Variants in DMD observed in about 807,000 individuals in gnomAD.
The protein encoded by DMD is dystrophin, also known as mutant dystrophin.
Under a neutral mutation model 330.1 loss-of-function variants are expected in DMD, and 63 were observed. That is an observed-to-expected ratio of 0.19 (90% CI 0.16 to 0.24). The LOEUF is 0.24. Among genes scored for constraint, DMD ranks in the 10% least tolerant of loss-of-function variants. DMD has a pLI of 1.00. For synonymous variants in DMD, 1,223 were observed against 959.8 expected, an observed-to-expected ratio of 1.27 and a Z score of -5.07; for missense variants, 3,344 against 2,684.1, an observed-to-expected ratio of 1.25 and a Z score of -5.43.
chrX:31,410,305 A>G (rs2061580824), intron 60 of DMD, among the ~76,000 whole-genome samples: 2 of 112,060 alleles, frequency 1.8e-5, no homozygotes, highest in African/African-American at 6.5e-5. Context: ...CGGTACCACT[A>G]GGTATGATAT....
At chrX:31,234,490 A>G (rs1463305374) in intron 63 of DMD, among the ~76,000 whole-genome samples, 3 of 112,475 alleles carry the variant, frequency 2.7e-5, no homozygotes, top group African/African-American at 9.7e-5. Context: ...GCCAAAATCC[A>G]TGAGTCTCCT....
At chrX:31,504,272 G>A (rs937883412) in intron 56 of DMD, among the ~76,000 whole-genome samples, 2 of 111,315 alleles carry the variant, frequency 1.8e-5, no homozygotes, top group Admixed American at 9.5e-5. Flanking sequence ...GAAGGAAAAC[G>A]ATACAATATG....
chrX:31,175,442 C>T (rs1390598118), intron 71 of DMD, among the ~76,000 whole-genome samples: 1 of 110,684 alleles, frequency 9.0e-6, no homozygotes, highest in Non-Finnish European at 1.9e-5. Context: ...ATATCAGTGG[C>T]GCCTATCACA....
chrX:32,887,745 C>CAAAAAAAAAAAAAAAAAAAAAAA lies in DMD; in HGVS notation c.94-37948_94-37926dup, dbSNP rs771100080. Among the ~76,000 whole-genome samples, 4 of 6,493 alleles carry CAAAAAAAAAAAAAAAAAAAAAAA rather than the reference C, an allele frequency of 6.2e-4. 1 individual carries two copies. Among genetic ancestry groups the CAAAAAAAAAAAAAAAAAAAAAAA allele is most frequent in the African/African-American group, 1.3e-3 (3 of 2,252 alleles). 5.6% of individuals were successfully genotyped at this position (6,493 alleles called of 115,157 possible). ...CCTGGGTGACAAAGCAAGACTGTCT[C>CAAAAAAAAAAAAAAAAAAAAAAA]AAAAAAAAAAAAAAAAAAAAAAAAA... is the stretch of plus-strand genomic sequence containing the variant. On this transcript the variant is annotated intron_variant, in intron 2 of 78. Transcript: ENST00000357033.
intron 19 of DMD, among the ~76,000 whole-genome samples, chrX:32,494,545 G>A (rs539770319): frequency 9.0e-6 from 1 of 111,115 alleles, no homozygotes; most frequent in South Asian, 3.8e-4. Flanking sequence ...TCCATGAAAT[G>A]AGGATTAAAA....
At chrX:31,956,609 C>T (rs749993539) in intron 45 of DMD, among the ~76,000 whole-genome samples, 13 of 111,847 alleles carry the variant, frequency 1.2e-4, no homozygotes, top group Non-Finnish European at 1.7e-4. Context: ...ACATGGCCTA[C>T]GGATAATAGG....
chrX:32,720,146 G>A (rs1460592639), intron 7 of DMD, among the ~76,000 whole-genome samples: 1 of 111,085 alleles, frequency 9.0e-6, no homozygotes, highest in African/African-American at 3.3e-5. Context: ...CCTATTATAC[G>A]AGTCAAATCA....
intron 50 of DMD, among the ~76,000 whole-genome samples, chrX:31,811,965 C>A (rs779675726): frequency 2.5e-4 from 27 of 109,998 alleles, no homozygotes; most frequent in South Asian, 3.9e-4. Context: ...TCCTTTGCTG[C>A]AGATAAACGA....
intron 2 of DMD, among the ~76,000 whole-genome samples, chrX:32,879,021 A>AACAAAAAAAAAACAAACAAAC (rs1557109751): frequency 2.0e-5 from 2 of 101,766 alleles, no homozygotes; most frequent in African/African-American, 7.1e-5. Flanking sequence ...AAAAAAACAA[A>AACAAAAAAAAAACAAACAAAC]AAACAAAAAA....
chrX:33,218,076 A>G, intron 1 of DMD, among the ~76,000 whole-genome samples: 1 of 111,401 alleles, frequency 9.0e-6, no homozygotes, highest in African/African-American at 3.2e-5. Flanking sequence ...AGATTTCTGT[A>G]GTTATTCTTT....
At chrX:33,129,324 G>GTTTTTTTT (rs2095483564) in intron 1 of DMD, among the ~76,000 whole-genome samples, 1 of 10,462 alleles carries the variant, frequency 9.6e-5, no homozygotes. Flanking sequence ...GTTAAGGTTT[G>GTTTTTTTT]CTTTTTTTTT....
chrX:32,163,606 A>G (rs1032009702), intron 44 of DMD, among the ~76,000 whole-genome samples: 1 of 112,019 alleles, frequency 8.9e-6, no homozygotes, highest in African/African-American at 3.3e-5. Flanking sequence ...GACTCTAAAC[A>G]TGGTATAAAA....
At chrX:33,125,387 T>C (rs1364798290) in intron 1 of DMD, among the ~76,000 whole-genome samples, 2 of 111,743 alleles carry the variant, frequency 1.8e-5, no homozygotes, top group African/African-American at 6.5e-5. Context: ...TTGATATGTT[T>C]AATCAAAAAC....
At chrX:33,012,037 A>C (rs976505223) in intron 2 of DMD, among the ~76,000 whole-genome samples, 1 of 111,746 alleles carries the variant, frequency 8.9e-6, no homozygotes, top group Non-Finnish European at 1.9e-5. Flanking sequence ...TTCTAAAAGG[A>C]ATTGTCAAGA....
chrX:31,973,846 C>T (rs1359353009), intron 44 of DMD, among the ~76,000 whole-genome samples: 2 of 111,654 alleles, frequency 1.8e-5, no homozygotes, highest in African/African-American at 6.5e-5. Context: ...CGAATGAGGG[C>T]TTTCTTCTCT....
intron 44 of DMD, among the ~76,000 whole-genome samples, chrX:31,990,147 C>T (rs2047941181): frequency 8.9e-6 from 1 of 112,313 alleles, no homozygotes; most frequent in African/African-American, 3.2e-5. Flanking sequence ...CGCTTAATGT[C>T]TTCATAACGT....
intron 1 of DMD, among the ~76,000 whole-genome samples, chrX:33,060,148 GA>G (rs2094565056): frequency 1.8e-5 from 2 of 111,319 alleles, no homozygotes; most frequent in African/African-American, 6.5e-5. Flanking sequence ...AGGGGAGAGA[GA>G]TTGAGCTCAA....
chrX:31,829,306 AATTTC>A (rs2092964638), intron 49 of DMD, among the ~76,000 whole-genome samples: 1 of 110,596 alleles, frequency 9.0e-6, no homozygotes, highest in African/African-American at 3.3e-5. Flanking sequence ...ATACATAAAA[AATTTC>A]AGAATTCGCC....
At chrX:32,871,928 G>A (rs972152011) in intron 2 of DMD, among the ~76,000 whole-genome samples, 1 of 110,975 alleles carries the variant, frequency 9.0e-6, no homozygotes, top group African/African-American at 3.3e-5. Flanking sequence ...AGTAGGTTAA[G>A]GCATGAATGA....
Sources: gnomAD v4.1 joint callset for allele counts (sites outside exome capture counted in the v4.1 genomes callset) on GRCh38, gnomAD v4.1.1 for gene constraint, MANE v1.5 for transcripts, NCBI Gene and HGNC (gene_info 2026-07-23, HGNC 2026-07-21) for gene names.